SNTG1: variants seen among roughly 807,000 people sequenced by gnomAD.
SNTG1 encodes the protein gamma-1-syntrophin.
Under a neutral mutation model 74.7 loss-of-function variants are expected in SNTG1, and 39 were observed. The observed-to-expected ratio is 0.52, with a 90% confidence interval of 0.40 to 0.68. The LOEUF (loss-of-function observed/expected upper bound fraction) is 0.68, where lower values mean the gene tolerates loss of function less well. Ranked by LOEUF, SNTG1 falls within the 30% of genes least tolerant of loss-of-function variation. The pLI, the probability that SNTG1 is intolerant of heterozygous loss-of-function variation, is 0.00. For missense variants in SNTG1, 685 were observed against 609.5 expected (o/e 1.12, Z -1.30); for synonymous variants, 254 against 217.1 (o/e 1.17, Z -1.49).
At chr8:50,563,804 G>A (rs1386721531) in intron 12 of SNTG1, among the ~76,000 whole-genome samples, 1 of 152,036 alleles carries the variant, frequency 6.6e-6, no homozygotes, top group Non-Finnish European at 1.5e-5. Flanking sequence ...GAAGGTATCA[G>A]GAGATTATCT....
chr8:50,663,487 G>C (rs571625620), intron 15 of SNTG1, among the ~76,000 whole-genome samples: 2 of 151,992 alleles, frequency 1.3e-5, no homozygotes, highest in Admixed American at 6.6e-5. Context: ...CAGAGGAGTC[G>C]GGCCTGAATA....
intron 2 of SNTG1, among the ~76,000 whole-genome samples, chr8:50,369,757 A>G (rs1019714777): frequency 1.3e-5 from 2 of 152,152 alleles, no homozygotes; most frequent in African/African-American, 4.8e-5. Flanking sequence ...AGCCTCCAGA[A>G]CTGTGAGTGA....
At chr8:50,545,470 ATAT>A (rs1278536970) in intron 11 of SNTG1, among the ~76,000 whole-genome samples, 2 of 146,778 alleles carry the variant, frequency 1.4e-5, no homozygotes, top group Admixed American at 6.8e-5. Flanking sequence ...ACTTTATATA[ATAT>A]TATATACATG....
intron 4 of SNTG1, among the ~76,000 whole-genome samples, chr8:50,402,825 G>A (rs2092824064): frequency 6.6e-6 from 1 of 152,044 alleles, no homozygotes; most frequent in African/African-American, 2.4e-5. Context: ...GATTCTGTGG[G>A]CCTCCCTAAT....
At chr8:50,135,392 C>A (rs2131427143) in intron 1 of SNTG1, among the ~76,000 whole-genome samples, 1 of 152,192 alleles carries the variant, frequency 6.6e-6, no homozygotes, top group African/African-American at 2.4e-5. Flanking sequence ...AGTCTTCTTT[C>A]ATACTTAGGT....
At chr8:50,184,232 C>G (rs2083305894) in intron 2 of SNTG1, among the ~76,000 whole-genome samples, 1 of 151,158 alleles carries the variant, frequency 6.6e-6, no homozygotes, top group East Asian at 2.0e-4. Flanking sequence ...GTGGTGTGAT[C>G]TCGGCTCACT....
chr8:50,414,755 G>T (rs558336955), intron 4 of SNTG1, among the ~76,000 whole-genome samples: 2 of 151,912 alleles, frequency 1.3e-5, no homozygotes, highest in Non-Finnish European at 2.9e-5. Context: ...ATGTGTGTGC[G>T]TGTGTGGGTG....
chr8:50,583,184 C>T (rs2094622548), intron 12 of SNTG1, among the ~76,000 whole-genome samples: 1 of 151,792 alleles, frequency 6.6e-6, no homozygotes, highest in South Asian at 2.1e-4. Context: ...GAGTGGATCA[C>T]CTGAGGCCAG....
chr8:50,775,259 C>G (rs2095637537), intron 18 of SNTG1, among the ~76,000 whole-genome samples: 2 of 151,430 alleles, frequency 1.3e-5, no homozygotes, highest in Non-Finnish European at 3.0e-5. Context: ...GAAAGGTACT[C>G]TAGTGTATAT....
chr8:50,649,326 C>T (rs568567343), intron 13 of SNTG1, among the ~76,000 whole-genome samples: 2 of 152,120 alleles, frequency 1.3e-5, no homozygotes, highest in East Asian at 1.9e-4. Context: ...GGTGAAACCC[C>T]CTCTCTACTA....
chr8:50,471,346 A>C (rs2093653179), intron 8 of SNTG1, among the ~76,000 whole-genome samples: 1 of 151,896 alleles, frequency 6.6e-6, no homozygotes, highest in South Asian at 2.1e-4. Context: ...CTTATAGTCT[A>C]TGTAAATTAA....
At chr8:50,471,067 A>G (rs1199643753) in intron 8 of SNTG1, among the ~76,000 whole-genome samples, 1 of 152,042 alleles carries the variant, frequency 6.6e-6, no homozygotes, top group Non-Finnish European at 1.5e-5. Flanking sequence ...CTTTAGCTAG[A>G]CACAGAGTGC....
At chr8:50,582,725 G>A (rs1025933618) in intron 12 of SNTG1, among the ~76,000 whole-genome samples, 5 of 151,974 alleles carry the variant, frequency 3.3e-5, no homozygotes, top group Non-Finnish European at 5.9e-5. Flanking sequence ...AAGCAAATAC[G>A]ATGACCTAGG....
intron 8 of SNTG1, among the ~76,000 whole-genome samples, chr8:50,489,238 G>A (rs1288344788): frequency 2.6e-5 from 4 of 152,272 alleles, no homozygotes; most frequent in South Asian, 2.1e-4. Flanking sequence ...ATAAACATAC[G>A]TGTGCATGTG....
chr8:50,314,551 A>G (rs780881338), intron 2 of SNTG1, among the ~76,000 whole-genome samples: 2 of 149,720 alleles, frequency 1.3e-5, no homozygotes, highest in African/African-American at 2.5e-5. Flanking sequence ...CACACCAACC[A>G]GTCATCCATT....
chr8:50,347,016 G>T (rs911276136), intron 2 of SNTG1, among the ~76,000 whole-genome samples: 1 of 152,212 alleles, frequency 6.6e-6, no homozygotes, highest in African/African-American at 2.4e-5. Flanking sequence ...TTATCCAGAA[G>T]ATCTAAATAA....
chr8:50,695,235 T>C (rs899646087), intron 15 of SNTG1, among the ~76,000 whole-genome samples: 1 of 151,160 alleles, frequency 6.6e-6, no homozygotes, highest in Admixed American at 6.6e-5. Context: ...CCGTTAAAAA[T>C]AGAAACAAAT....
intron 17 of SNTG1, among the ~76,000 whole-genome samples, chr8:50,713,129 G>C (rs1355138290): frequency 6.6e-6 from 1 of 152,150 alleles, no homozygotes; most frequent in Non-Finnish European, 1.5e-5. Flanking sequence ...CAGTATAAAA[G>C]TATTCCTATT....
intron 1 of SNTG1, among the ~76,000 whole-genome samples, chr8:49,961,860 C>G (rs1445430512): frequency 6.6e-6 from 1 of 152,164 alleles, no homozygotes; most frequent in Non-Finnish European, 1.5e-5. Flanking sequence ...GTTGAAACCA[C>G]ACAATTAAGT....
Sources: gnomAD v4.1 joint callset for allele counts (sites outside exome capture counted in the v4.1 genomes callset) on GRCh38, gnomAD v4.1.1 for gene constraint, MANE v1.5 for transcripts, NCBI Gene and HGNC (gene_info 2026-07-23, HGNC 2026-07-21) for gene names.